PTPA: variants seen among roughly 807,000 people sequenced by gnomAD.
The protein encoded by PTPA is serine/threonine-protein phosphatase 2A activator.
Under a neutral mutation model 43.6 loss-of-function variants are expected in PTPA, and 13 were observed. The ratio of observed to expected loss-of-function variants is 0.30; its 90% CI spans 0.19 to 0.47. PTPA has a LOEUF of 0.47. Ranked by LOEUF, PTPA falls within the 20% of genes least tolerant of loss-of-function variation. The pLI is 0.99. For synonymous variants in PTPA, 172 were observed against 158.2 expected (o/e 1.09, Z -0.66); for missense variants, 329 against 411.9 (o/e 0.80, Z 1.74).
chr9:129,111,156 C>A, upstream of PTPA: 1 of 1,227,028 alleles, frequency 8.1e-7, no homozygotes. Context: ...GGGTCAGTAC[C>A]ACCCACAAAG....
intron 9 of PTPA, chr9:129,143,107 C>T: frequency 1.6e-6 from 1 of 642,718 alleles, no homozygotes; most frequent in South Asian, 2.0e-5. Context: ...GAGAGGAGAG[C>T]TGAGGCTTCC....
chr9:129,135,470 C>G (rs563364280), intron 6 of PTPA, among the ~76,000 whole-genome samples: 1 of 152,312 alleles, frequency 6.6e-6, no homozygotes, highest in Non-Finnish European at 1.5e-5. Context: ...ATTCTAAGCA[C>G]TTTATGTATA....
intron 3 of PTPA, among the ~76,000 whole-genome samples, chr9:129,126,080 C>T (rs577744155): frequency 5.3e-5 from 8 of 151,320 alleles, no homozygotes; most frequent in East Asian, 2.0e-4. Flanking sequence ...ACCCGGGAGG[C>T]GGAGGTTGCA....
At chr9:129,122,920 T>G in intron 2 of PTPA, 132 bp from the exon 3 acceptor site, 2 of 662,620 alleles carry the variant, frequency 3.0e-6, no homozygotes, top group Admixed American at 4.6e-5. Flanking sequence ...TCTCCTGCTA[T>G]TGGGTTGGGA....
At chr9:129,131,464 T>C in intron 4 of PTPA, 58 bp from the exon 5 acceptor site, 2 of 1,522,002 alleles carry the variant, frequency 1.3e-6, no homozygotes, top group Non-Finnish European at 1.8e-6. Flanking sequence ...CCTGGGCACC[T>C]GCCCACTGGG....
chr9:129,112,342 C>T lies in PTPA; in HGVS notation c.31+711C>T, dbSNP rs114993585. Among the ~76,000 whole-genome samples, 793 of 152,274 alleles carry T rather than the reference C, an allele frequency of 5.2e-3. 9 individuals are homozygous for T. The highest frequency in any genetic ancestry group is 0.018 in the African/African-American group (754 of 41,544). The stretch of plus-strand genomic sequence containing the variant: ...ACCCTTTTTGTGCAGAAGGAGAAGG[C>T]TGTTTGCCGACCTACCTTGAACTAA... On this transcript the variant is annotated intron_variant, in intron 1 of 9. Transcript: ENST00000393370.
chr9:129,142,234 CCTTGTCTCTG>C lies in PTPA; in HGVS notation c.787-210_787-201del, dbSNP rs879905228. On this transcript the variant is annotated intron_variant, in intron 8 of 9. Transcript: ENST00000393370. ...GCAGGCCTTGAGGGCCAAAGGGGAA[CCTTGTCTCTG>C]GCACTTGCATGTGCCTGTTTGTATG... 870 of 457,694 alleles carry C rather than the reference CCTTGTCTCTG, an allele frequency of 1.9e-3. 2 individuals are homozygous for C. The highest frequency in any genetic ancestry group is 0.014 in the Middle Eastern group (25 of 1,762). 28.4% of individuals were successfully genotyped at this position (457,694 alleles called of 1,614,324 possible).
chr9:129,115,984 G>A (rs992104059), intron 1 of PTPA, among the ~76,000 whole-genome samples: 1 of 151,410 alleles, frequency 6.6e-6, no homozygotes, highest in Non-Finnish European at 1.5e-5. Flanking sequence ...CCTCAGCTTC[G>A]CGAGTAGCTG....
intron 6 of PTPA, 66 bp from the exon 7 acceptor site, chr9:129,136,405 T>C: frequency 6.6e-7 from 1 of 1,513,170 alleles, no homozygotes. Context: ...GTGCTCCCAG[T>C]GGCCGAAAGG....
intron 1 of PTPA, among the ~76,000 whole-genome samples, chr9:129,113,950 G>A (rs1476992561): frequency 6.6e-6 from 1 of 152,188 alleles, no homozygotes; most frequent in African/African-American, 2.4e-5. Context: ...ATCCGTGGCT[G>A]GAAACAGCCA....
chr9:129,129,745 A>G (rs1051371134), intron 4 of PTPA, among the ~76,000 whole-genome samples: 23 of 152,164 alleles, frequency 1.5e-4, no homozygotes, highest in Non-Finnish European at 3.2e-4. Flanking sequence ...CTGGGATTAC[A>G]GGTGTGAGCC....
chr9:129,142,698 T>C (rs562036362), intron 9 of PTPA, 146 bp downstream of exon 9: 6 of 1,543,586 alleles, frequency 3.9e-6, no homozygotes, highest in African/African-American at 2.7e-5. Flanking sequence ...CCTCTGACAC[T>C]TGGGGCCTCG....
intron 3 of PTPA, among the ~76,000 whole-genome samples, chr9:129,124,478 G>A (rs1849451882): frequency 6.6e-6 from 1 of 152,230 alleles, no homozygotes; most frequent in Non-Finnish European, 1.5e-5. Flanking sequence ...ACGTGGAAAT[G>A]TGGAGTCAAA....
At chr9:129,111,296 C>T (rs1848452903), upstream of PTPA, 1 of 1,135,164 alleles carries the variant, frequency 8.8e-7, no homozygotes, top group Admixed American at 5.1e-5. Flanking sequence ...GCGGTCCTAG[C>T]GCTTGGCGGC....
intron 6 of PTPA, among the ~76,000 whole-genome samples, chr9:129,135,109 C>A (rs1011487956): frequency 2.0e-5 from 3 of 152,112 alleles, no homozygotes; most frequent in Non-Finnish European, 4.4e-5. Flanking sequence ...AGAATTGTCA[C>A]ATAGGCCGGG....
At chr9:129,114,449 C>G (rs890432782) in intron 1 of PTPA, among the ~76,000 whole-genome samples, 2 of 151,908 alleles carry the variant, frequency 1.3e-5, no homozygotes, top group Non-Finnish European at 2.9e-5. Context: ...TTTTTTTTCC[C>G]TGAGAAAAAG....
chr9:129,128,951 C>G, intron 3 of PTPA, 34 bp from the exon 4 acceptor site: 1 of 1,611,594 alleles, frequency 6.2e-7, no homozygotes, highest in Non-Finnish European at 8.5e-7. Flanking sequence ...GCCACTTGCT[C>G]TGTAGCTTGG....
chr9:129,123,721 T>C (rs906055822), intron 3 of PTPA, among the ~76,000 whole-genome samples: 1 of 151,884 alleles, frequency 6.6e-6, no homozygotes, highest in Non-Finnish European at 1.5e-5. Context: ...TTTGCTCTTG[T>C]TGCCCAGGCT....
intron 9 of PTPA, among the ~76,000 whole-genome samples, chr9:129,144,954 A>G (rs1851197467): frequency 6.6e-6 from 1 of 151,250 alleles, no homozygotes. Flanking sequence ...AATCGCTTGA[A>G]CCTGGTAGGC....
Sources: gnomAD v4.1 joint callset for allele counts (sites outside exome capture counted in the v4.1 genomes callset) on GRCh38, gnomAD v4.1.1 for gene constraint, MANE v1.5 for transcripts, NCBI Gene and HGNC (gene_info 2026-07-23, HGNC 2026-07-21) for gene names.